The following TULP4 variants were observed in gnomAD, a reference collection of about 807,000 sequenced individuals.
TULP4 encodes tubby-related protein 4.
A neutral mutation model predicts 129.0 loss-of-function variants in TULP4; 16 were observed. The observed-to-expected ratio is 0.12, with a 90% CI of 0.08 to 0.19. The LOEUF (loss-of-function observed/expected upper bound fraction) is 0.19. TULP4 is among the 10% of genes least tolerant of loss of function. The pLI is 1.00. For synonymous variants in TULP4, 998 were observed against 854.0 expected, an observed-to-expected ratio of 1.17 and a Z score of -2.94; for missense variants, 1,842 against 2,059.1, an observed-to-expected ratio of 0.89 and a Z score of 2.04.
chr6:158,344,749 C>T (rs1031197842), intron 1 of TULP4, among the ~76,000 whole-genome samples: 5 of 152,166 alleles, frequency 3.3e-5, no homozygotes, highest in Non-Finnish European at 4.4e-5. Flanking sequence ...CTACGGTGAT[C>T]TCTAAGTGTT....
At chr6:158,481,703 C>T (rs932528656) in intron 8 of TULP4, among the ~76,000 whole-genome samples, 1 of 152,164 alleles carries the variant, frequency 6.6e-6, no homozygotes, top group Non-Finnish European at 1.5e-5. Flanking sequence ...ATCAAACCTT[C>T]AGCCTCCTAC....
At chr6:158,373,329 A>G (rs1777112353) in intron 1 of TULP4, among the ~76,000 whole-genome samples, 1 of 152,198 alleles carries the variant, frequency 6.6e-6, no homozygotes, top group Non-Finnish European at 1.5e-5. Context: ...CTCCCACTGC[A>G]CTTGGAAAGT....
chr6:158,438,445 C>G (rs1486119717), intron 3 of TULP4, among the ~76,000 whole-genome samples: 1 of 152,180 alleles, frequency 6.6e-6, no homozygotes, highest in African/African-American at 2.4e-5. Flanking sequence ...CCTGCAGCAC[C>G]GGAGAGGCAC....
chr6:158,315,404 A>G (rs1347206324), intron 1 of TULP4, among the ~76,000 whole-genome samples: 2 of 152,002 alleles, frequency 1.3e-5, no homozygotes, highest in African/African-American at 2.4e-5. Flanking sequence ...TAAAGACCCT[A>G]CCTCTTATTA....
rs140677029 is a variant in TULP4, at chr6:158,503,711, G to A, written c.4048G>A (p.Val1350Ile). The change falls in exon 13 of 14, where the codon GTT (valine) becomes ATT (isoleucine). Residue 1350 changes from valine (V) to isoleucine (I), a missense_variant. Physicochemically the swap from Val to Ile is conservative, Grantham distance 29. Transcript: ENST00000367097. The surrounding 1 kb of genome is among the most constrained non-coding windows in gnomAD (Gnocchi z 4.3). ...GGACAGCCGAGCAGAAGAAGGCAGC[G>A]TTCAGGCCATCACTGAGGGCAAAGT... Reference protein sequence around the residue: ...RLDSRAEEGSVQAITEGKVKK... With the variant: ...RLDSRAEEGSIQAITEGKVKK... 122 of 1,613,938 alleles carry A rather than the reference G, an allele frequency of 7.6e-5. No homozygotes were observed. The highest frequency in any genetic ancestry group is 8.1e-5 in the Non-Finnish European group (96 of 1,180,042).
intron 1 of TULP4, among the ~76,000 whole-genome samples, chr6:158,336,608 G>T (rs967375726): frequency 2.0e-5 from 3 of 152,130 alleles, no homozygotes; most frequent in Non-Finnish European, 2.9e-5. Flanking sequence ...GTCCTCATTA[G>T]GGGATTTTTC....
intron 5 of TULP4, among the ~76,000 whole-genome samples, chr6:158,452,658 C>T (rs1213711381): frequency 6.6e-6 from 1 of 152,238 alleles, no homozygotes; most frequent in African/African-American, 2.4e-5. Context: ...ACAGAAGCCC[C>T]TGTAATTTTA....
chr6:158,258,514 G>A (rs942794496), intron 1 of TULP4, among the ~76,000 whole-genome samples: 1 of 152,146 alleles, frequency 6.6e-6, no homozygotes, highest in Admixed American at 6.5e-5. Flanking sequence ...ATGGTGGGAG[G>A]ATGGAAGCCA....
intron 3 of TULP4, among the ~76,000 whole-genome samples, chr6:158,443,769 A>T (rs936867602): frequency 1.3e-5 from 2 of 148,920 alleles, no homozygotes; most frequent in African/African-American, 2.4e-5. Flanking sequence ...TTCATCTTTT[A>T]AAAAAAAAAA....
At chr6:158,246,288 T>C (rs1778030595) in intron 1 of TULP4, among the ~76,000 whole-genome samples, 1 of 151,650 alleles carries the variant, frequency 6.6e-6, no homozygotes, top group South Asian at 2.1e-4. Context: ...GATTACGAGG[T>C]CAGGAGATCG....
At chr6:158,486,328 C>A (rs530253937) in intron 8 of TULP4, among the ~76,000 whole-genome samples, 95 of 152,160 alleles carry the variant, frequency 6.2e-4, no homozygotes, top group African/African-American at 2.3e-3. Context: ...TTTGGAAGGC[C>A]AAATCACAAG....
chr6:158,237,389 T>C, intron 1 of TULP4: 1 of 1,612,400 alleles, frequency 6.2e-7, no homozygotes, highest in Non-Finnish European at 8.5e-7. Flanking sequence ...TTCTTTTTTG[T>C]TGCTGGAGCC....
chr6:158,348,926 G>GCGCTCCT (rs1780393568), intron 1 of TULP4, among the ~76,000 whole-genome samples: 1 of 132,878 alleles, frequency 7.5e-6, no homozygotes, highest in Non-Finnish European at 1.6e-5. Flanking sequence ...CCGGGCAGAG[G>GCGCTCCT]CACTCCTCAC....
chr6:158,444,219 CAAAAAAAAA>C (rs71030171), intron 3 of TULP4, among the ~76,000 whole-genome samples: 2 of 34,142 alleles, frequency 5.9e-5, no homozygotes, highest in African/African-American at 1.1e-4. Flanking sequence ...GACTCTGTCT[CAAAAAAAAA>C]AAAAAAAAAA....
chr6:158,262,057 C>T (rs967838512), intron 1 of TULP4, among the ~76,000 whole-genome samples: 2 of 152,132 alleles, frequency 1.3e-5, no homozygotes, highest in African/African-American at 2.4e-5. Context: ...CAAATAAAAC[C>T]GGGATTCTGT....
intron 1 of TULP4, among the ~76,000 whole-genome samples, chr6:158,360,847 C>G (rs1422920725): frequency 6.6e-6 from 1 of 152,086 alleles, no homozygotes; most frequent in Non-Finnish European, 1.5e-5. Context: ...CAGAAAATAG[C>G]CTGTTACTAC....
At chr6:158,342,305 A>G (rs770425627) in intron 1 of TULP4, among the ~76,000 whole-genome samples, 2 of 152,186 alleles carry the variant, frequency 1.3e-5, no homozygotes, top group Non-Finnish European at 2.9e-5. Context: ...GGCTCTTTCT[A>G]TTTTGAAAGC....
intron 1 of TULP4, among the ~76,000 whole-genome samples, chr6:158,350,267 C>T (rs187274509): frequency 1.3e-3 from 6 of 4,466 alleles, no homozygotes; most frequent in African/African-American, 1.7e-3. Flanking sequence ...AGAGGGGCTC[C>T]TCACATCCCA....
intron 1 of TULP4, among the ~76,000 whole-genome samples, chr6:158,406,368 T>A (rs1043202835): frequency 6.6e-6 from 1 of 152,100 alleles, no homozygotes; most frequent in African/African-American, 2.4e-5. Context: ...GGGTATTTAG[T>A]TGAGAGTGAG....
Sources: gnomAD v4.1 joint callset for allele counts (sites outside exome capture counted in the v4.1 genomes callset) on GRCh38, gnomAD v4.1.1 for gene constraint, Gnocchi (gnomAD v3.1) non-coding constraint, MANE v1.5 for transcripts, NCBI Gene and HGNC (gene_info 2026-07-23, HGNC 2026-07-21) for gene names.